Variants in MTHFD1L observed in about 807,000 individuals in gnomAD.
MTHFD1L encodes the protein monofunctional C1-tetrahydrofolate synthase, mitochondrial.
A neutral mutation model predicts 119.5 loss-of-function variants in MTHFD1L; 81 were observed. The observed-to-expected ratio is 0.68, with a 90% CI of 0.57 to 0.82. MTHFD1L has a LOEUF of 0.82. MTHFD1L is among the 40% of genes least tolerant of loss of function. MTHFD1L has a pLI of 0.00. For synonymous variants in MTHFD1L, 430 were observed against 475.2 expected, an observed-to-expected ratio of 0.90 and a Z score of 1.24; for missense variants, 1,125 against 1,253.4, an observed-to-expected ratio of 0.90 and a Z score of 1.55.
chr6:150,942,295 A>G (rs975974386), intron 13 of MTHFD1L, among the ~76,000 whole-genome samples: 1 of 152,138 alleles, frequency 6.6e-6, no homozygotes, highest in Admixed American at 6.6e-5. Flanking sequence ...AACCACTATC[A>G]GTTACCATTT....
At chr6:151,075,380 A>G (rs1175754900) in intron 26 of MTHFD1L, among the ~76,000 whole-genome samples, 1 of 152,226 alleles carries the variant, frequency 6.6e-6, no homozygotes, top group Non-Finnish European at 1.5e-5. Context: ...AGCAAAGAGT[A>G]GTACCAAGGA....
At chr6:151,076,282 T>A (rs1157004737) in intron 26 of MTHFD1L, among the ~76,000 whole-genome samples, 1 of 152,062 alleles carries the variant, frequency 6.6e-6, no homozygotes, top group Non-Finnish European at 1.5e-5. Flanking sequence ...TGAGCCCAGG[T>A]TGAGGCTGTA....
At chr6:150,867,469 G>A (rs571250698) in intron 1 of MTHFD1L, among the ~76,000 whole-genome samples, 6 of 152,296 alleles carry the variant, frequency 3.9e-5, no homozygotes, top group Admixed American at 1.3e-4. Flanking sequence ...TTAATTACAC[G>A]TCAGGTCATT....
At chr6:150,892,425 G>A (rs1004453606) in intron 7 of MTHFD1L, among the ~76,000 whole-genome samples, 1 of 152,140 alleles carries the variant, frequency 6.6e-6, no homozygotes, top group African/African-American at 2.4e-5. Flanking sequence ...TCTGGTCATT[G>A]GGTAACATTC....
In MTHFD1L at chr6:150,972,000, C is replaced by T. The variant is rs755913357; in HGVS notation, c.2067C>T (p.Asn689=). Residue 689 remains asparagine, a synonymous_variant, in exon 20 of 28, where the codon AAC becomes AAT. Transcript: ENST00000367321. ...CTTTTGCTAACATTGCTCACGGCAA[C>T]TCTTCAGTGTTGGCTGATAAAATTG... ...AGPFANIAHG[N]SSVLADKIAL... The T allele has an allele frequency of 6.8e-6, 11 of 1,614,068 alleles. No individual in the cohort carries two copies. The highest frequency in any genetic ancestry group is 9.3e-6 in the Non-Finnish European group (11 of 1,180,040).
chr6:151,038,108 G>T (rs1000620622), intron 26 of MTHFD1L, among the ~76,000 whole-genome samples: 3 of 152,046 alleles, frequency 2.0e-5, no homozygotes, highest in African/African-American at 7.2e-5. Flanking sequence ...AGCATTTTTT[G>T]AATTCTTCCT....
At chr6:151,066,174 C>T (rs542430815) in intron 26 of MTHFD1L, among the ~76,000 whole-genome samples, 1 of 152,196 alleles carries the variant, frequency 6.6e-6, no homozygotes, top group Non-Finnish European at 1.5e-5. Flanking sequence ...CGGTGGCTTA[C>T]GCCTGTAATC....
intron 19 of MTHFD1L, among the ~76,000 whole-genome samples, chr6:150,967,982 C>G (rs549720241): frequency 6.6e-6 from 1 of 151,972 alleles, no homozygotes; most frequent in East Asian, 1.9e-4. Context: ...CTCCTTGTCC[C>G]TTATCCTCAT....
At chr6:150,884,877 C>T (rs1248227214) in intron 5 of MTHFD1L, among the ~76,000 whole-genome samples, 1 of 152,070 alleles carries the variant, frequency 6.6e-6, no homozygotes, top group Admixed American at 6.5e-5. Context: ...TGAAATCAGA[C>T]CTGTGACCTG....
At position 151,047,199 on chromosome 6, in the gene MTHFD1L, G is replaced by A. The variant is rs186720724; in HGVS notation, c.2847+10082G>A. ...ATAGGAAAAAGAGTTAAGTTATGCAGCCACACAGTACCTCGTTTGGCTTAA... is the reference window on the plus strand; with the variant it reads ...ATAGGAAAAAGAGTTAAGTTATGCAACCACACAGTACCTCGTTTGGCTTAA... On this transcript the variant is annotated intron_variant, in intron 26 of 27. Coordinates refer to ENST00000367321, the MANE Select transcript of MTHFD1L (RefSeq NM_015440.5). 4.6e-5 allele frequency among the ~76,000 whole-genome samples: 7 copies of A among 152,306 alleles called. No homozygotes were observed. The East Asian group carries it at 1.2e-3, about 25-fold the overall frequency.
At chr6:150,962,914 CTTTTTTT>C (rs4035893) in intron 18 of MTHFD1L, among the ~76,000 whole-genome samples, 4 of 114,148 alleles carry the variant, frequency 3.5e-5, no homozygotes, top group Non-Finnish European at 5.4e-5. Flanking sequence ...CTTTTCTTTT[CTTTTTTT>C]TTTTTTTTTT....
chr6:150,975,077 G>C (rs925580076), intron 20 of MTHFD1L, among the ~76,000 whole-genome samples: 1 of 152,138 alleles, frequency 6.6e-6, no homozygotes, highest in Non-Finnish European at 1.5e-5. Flanking sequence ...ATATTCCATC[G>C]TATGGATAGA....
Position 150,865,776 on chromosome 6 carries a change from T to C in MTHFD1L, c.-47T>C. The C allele has an allele frequency of 8.0e-7, 1 of 1,245,042 alleles. No homozygotes were observed. The highest frequency in any genetic ancestry group is 1.0e-6 in the Non-Finnish European group (1 of 991,322). 77.1% of individuals were successfully genotyped at this position (1,245,042 alleles called of 1,614,324 possible). ...TCCCCTGGCACGCGCCCCGCCGCCC[T>C]CGGCAGCCGCAGCTCCGTGTCCCCT... On this transcript the variant is annotated 5_prime_UTR_variant, in exon 1 of 28. Transcript: ENST00000367321.
At chr6:151,083,418 G>A (rs908728719) in intron 26 of MTHFD1L, among the ~76,000 whole-genome samples, 3 of 152,246 alleles carry the variant, frequency 2.0e-5, no homozygotes, top group South Asian at 2.1e-4. Context: ...GGATGGTCTC[G>A]ATTTCTTGAC....
At chr6:150,974,644 C>T (rs1031976646) in intron 20 of MTHFD1L, among the ~76,000 whole-genome samples, 2 of 152,080 alleles carry the variant, frequency 1.3e-5, no homozygotes, top group African/African-American at 2.4e-5. Flanking sequence ...TAGTATTTGT[C>T]CTTCTGTGAC....
intron 24 of MTHFD1L, among the ~76,000 whole-genome samples, chr6:151,028,612 T>C (rs1209202331): frequency 1.3e-5 from 2 of 152,114 alleles, no homozygotes; most frequent in African/African-American, 4.8e-5. Context: ...GTCACATTCA[T>C]AGACAGGAAG....
chr6:150,887,653 T>A (rs1490022719), intron 6 of MTHFD1L, among the ~76,000 whole-genome samples, 192 bp from the exon 7 acceptor site: 3 of 152,148 alleles, frequency 2.0e-5, no homozygotes, highest in African/African-American at 4.8e-5. Flanking sequence ...GGCGGGGTTT[T>A]ACCATGTTGG....
At chr6:150,898,967 T>C (rs1395595359) in intron 7 of MTHFD1L, 2 of 1,053,726 alleles carry the variant, frequency 1.9e-6, no homozygotes, top group African/African-American at 3.4e-5. Flanking sequence ...GGAATTATTT[T>C]TGATGAGTCA....
chr6:151,045,435 C>T (rs1787848768), intron 26 of MTHFD1L, among the ~76,000 whole-genome samples: 1 of 152,228 alleles, frequency 6.6e-6, no homozygotes, highest in African/African-American at 2.4e-5. Context: ...TACTTTTCCA[C>T]TCCCACACCC....
Sources: gnomAD v4.1 joint callset for allele counts (sites outside exome capture counted in the v4.1 genomes callset) on GRCh38, gnomAD v4.1.1 for gene constraint, MANE v1.5 for transcripts, NCBI Gene and HGNC (gene_info 2026-07-23, HGNC 2026-07-21) for gene names.